SHC2: variants seen among roughly 807,000 people sequenced by gnomAD.
SHC2 encodes SHC adaptor protein 2, also known as SHC-transforming protein 2.
A neutral mutation model predicts 60.6 loss-of-function variants in SHC2; 62 were observed. The observed-to-expected ratio is 1.02, with a 90% CI of 0.83 to 1.26. The LOEUF is 1.26. Among genes scored for constraint, SHC2 ranks in the 50% most tolerant of loss-of-function variants. The pLI is 0.00. For missense variants in SHC2, 873 were observed against 822.2 expected (o/e 1.06, Z -0.76); for synonymous variants, 375 against 372.4 (o/e 1.01, Z -0.08).
intron 1 of SHC2, among the ~76,000 whole-genome samples, chr19:444,369 C>G (rs544450069): frequency 1.3e-5 from 2 of 152,248 alleles, no homozygotes; most frequent in South Asian, 4.1e-4. Context: ...GGGATGATGT[C>G]TGTGCCAGTG....
Position 460,746 on chromosome 19 carries a change from TCGCAGGCGCCCAGGACGGCGGC to T in SHC2, c.229_250del (p.Ala77SerfsTer95). The T allele has an allele frequency of 1.0e-6, 1 of 979,150 alleles. No homozygotes were observed. The highest frequency in any genetic ancestry group is 1.2e-6 in the Non-Finnish European group (1 of 828,018). The allele number at this position is 979,150 out of a possible 1,614,324, so 60.7% of individuals were successfully genotyped here. On this transcript the variant is annotated frameshift_variant, in exon 1 of 13. Transcript: ENST00000264554. LOFTEE classifies it high-confidence loss of function. ...GGGACAGGGCGCGGCGCAGCGGGGC[TCGCAGGCGCCCAGGACGGCGGC>T]CGCCAGCGCCGGGACGCCCCCCGGG...
At position 427,850 on chromosome 19, in the gene SHC2, A is replaced by G. The variant is rs981227749; in HGVS notation, c.1175-2619T>C. Among the ~76,000 whole-genome samples the G allele has an allele frequency of 7.5e-5, 9 of 120,658 alleles. No homozygotes were observed. In the East Asian group the frequency reaches 2.3e-3, roughly 31 times the overall value. The allele number at this position is 120,658 out of a possible 152,430, so 79.2% of individuals were successfully genotyped here. ...GGGAAGGGGGAACTGCACACGGCAC[A>G]GGGAAGGGGGAACTGCACACGGCAC... On this transcript the variant is annotated intron_variant, in intron 9 of 12. Coordinates refer to ENST00000264554, the MANE Select transcript of SHC2 (RefSeq NM_012435.3).
At position 422,156 on chromosome 19, in the gene SHC2, G is replaced by A. The variant is rs1256257624; in HGVS notation, c.1610C>T (p.Pro537Leu). The A allele has an allele frequency of 6.2e-7, 1 of 1,609,158 alleles. No individual in the cohort carries two copies. Among genetic ancestry groups the A allele is most frequent in the South Asian group, 1.1e-5 (1 of 90,438 alleles). The change falls in exon 11 of 13, where the codon CCC (proline) becomes CTC (leucine). Residue 537 changes from proline (P) to leucine (L), a missense_variant. Transcript: ENST00000264554. The surrounding 1 kb of genome is among the most constrained non-coding windows in gnomAD (Gnocchi z 5.0). ...GQPKHLLLVD[P>L]EGVVRTKDVL... ...CTGTGCACAGCTTACCACGCCCTCG[G>A]GGTCCACGAGCAGCAGGTGCTTGGG... is the stretch of plus-strand genomic sequence containing the variant.
intron 8 of SHC2, among the ~76,000 whole-genome samples, chr19:434,331 TGTGAGTGAGATCATGA>T (rs1466203726): frequency 2.6e-4 from 2 of 7,750 alleles, no homozygotes; most frequent in African/African-American, 5.2e-4. Context: ...ATCATGAGTC[TGTGAGTGAGATCATGA>T]GTGAGTGAGA....
rs368391808 is a variant in SHC2, at chr19:456,681, C to T, written c.468+3848G>A. ...GCACACGCACCAGGTCCGCTCCCTGCGTGGGGCCTTTGCACCTGCTGTGCC... is the reference window on the plus strand; with the variant it reads ...GCACACGCACCAGGTCCGCTCCCTGTGTGGGGCCTTTGCACCTGCTGTGCC... On this transcript the variant is annotated intron_variant, in intron 1 of 12. Coordinates refer to ENST00000264554, the MANE Select transcript of SHC2 (RefSeq NM_012435.3). Among the ~76,000 whole-genome samples the T allele has an allele frequency of 2.0e-5, 3 of 146,764 alleles. No individual in the cohort carries two copies. In the East Asian group the frequency reaches 6.0e-4, roughly 29 times the overall value.
In SHC2 at chr19:438,916, C is replaced by T. The variant is rs13343848; in HGVS notation, c.600+54G>A. The T allele has an allele frequency of 2.0e-3, 3,187 of 1,558,322 alleles. 59 individuals carry two copies. The African/African-American group carries it at 0.038, about 19-fold the overall frequency. ...GGCTCCCAGGATGGCCGCAGCGTCCCCACAGCCCCCGACTGCCCCACCAGC... is the reference window on the plus strand; with the variant it reads ...GGCTCCCAGGATGGCCGCAGCGTCCTCACAGCCCCCGACTGCCCCACCAGC... On this transcript the variant is annotated intron_variant, in intron 3 of 12. Coordinates refer to ENST00000264554, the MANE Select transcript of SHC2 (RefSeq NM_012435.3). This position sits in a 1 kb window ranked among gnomAD's most constrained non-coding sequence, Gnocchi z 5.0.
Position 438,688 on chromosome 19 carries a change from G to A in SHC2, c.720+30C>T. The A allele has an allele frequency of 6.5e-7, 1 of 1,546,576 alleles. No individual in the cohort carries two copies. The highest frequency in any genetic ancestry group is 8.7e-7 in the Non-Finnish European group (1 of 1,146,222). On this transcript the variant is annotated intron_variant, in intron 4 of 12. Transcript: ENST00000264554. The surrounding 1 kb of genome is among the most constrained non-coding windows in gnomAD (Gnocchi z 5.0). ...GGACTCCTGGCCCCTCTGGGGGTCT[G>A]GGGACGCCAGGCGAAGAGGGCAGAC...
chr19:443,318 G>GTGGA (rs1974955185), intron 1 of SHC2, among the ~76,000 whole-genome samples: 1 of 126,016 alleles, frequency 7.9e-6, no homozygotes, highest in Admixed American at 7.4e-5. Context: ...GAGTGGATGG[G>GTGGA]TGGATGGATG....
intron 1 of SHC2, among the ~76,000 whole-genome samples, chr19:457,597 G>T (rs899021186): frequency 6.6e-6 from 1 of 152,248 alleles, no homozygotes; most frequent in South Asian, 2.1e-4. Flanking sequence ...GAGCAGGAAC[G>T]AGGTCTCTCA....
rs1974765247 is a variant in SHC2 at position 438,116 on chromosome 19, T to C, written c.720+602A>G. Among the ~76,000 whole-genome samples, 1 of 152,206 alleles carries C rather than the reference T, an allele frequency of 6.6e-6. No homozygotes were observed. The highest frequency in any genetic ancestry group is 2.4e-5 in the African/African-American group (1 of 41,448). ...CTCCTGCCTCAGCCTCCCAAGTAGC[T>C]GGGATTACAGGCGCCCACCACCACA... On this transcript the variant is annotated intron_variant, in intron 4 of 12. Coordinates refer to ENST00000264554, the MANE Select transcript of SHC2 (RefSeq NM_012435.3). The surrounding 1 kb of genome is among the most constrained non-coding windows in gnomAD (Gnocchi z 5.0).
rs924782659 is a variant in SHC2 at position 453,872 on chromosome 19, C to A, written c.468+6657G>T. Among the ~76,000 whole-genome samples the A allele has an allele frequency of 6.6e-6, 1 of 152,310 alleles. No homozygotes were observed. Among genetic ancestry groups the A allele is most frequent in the East Asian group, 1.9e-4 (1 of 5,176 alleles). The stretch of plus-strand genomic sequence containing the variant: ...CCTGAAGTGCTCACGAGGTGAGGTG[C>A]GTGAGGGCACCGCAGAGAGCAGGAC... On this transcript the variant is annotated intron_variant, in intron 1 of 12. Coordinates refer to ENST00000264554, the MANE Select transcript of SHC2 (RefSeq NM_012435.3). This position sits in a 1 kb window ranked among gnomAD's most constrained non-coding sequence, Gnocchi z 6.3.
Position 422,441 on chromosome 19 carries a change from G to A in SHC2, c.1325C>T (p.Ala442Val), listed in dbSNP as rs1433535153. Residue 442 changes from alanine (A) to valine (V), a missense_variant, in exon 11 of 13, where the codon GCC becomes GTC. Ala to Val is a moderately conservative substitution (Grantham distance 64). Transcript: ENST00000264554. This position sits in a 1 kb window ranked among gnomAD's most constrained non-coding sequence, Gnocchi z 5.0. ...DLFDMRPFED[A>V]LKLHECSVAA... ...CACTGAGCACTCATGCAACTTCAGGGCATCCTCAAAGGGTCCTGCAGGCCA... is the reference window on the plus strand; with the variant it reads ...CACTGAGCACTCATGCAACTTCAGGACATCCTCAAAGGGTCCTGCAGGCCA... The A allele has an allele frequency of 1.3e-6, 2 of 1,563,732 alleles. No homozygotes were observed. Among genetic ancestry groups the A allele is most frequent in the South Asian group, 2.4e-5 (2 of 83,114 alleles).
At position 420,336 on chromosome 19, in the gene SHC2, G is replaced by A. The variant is rs565616469; in HGVS notation, c.1621-1280C>T. On this transcript the variant is annotated intron_variant, in intron 11 of 12. Coordinates refer to ENST00000264554, the MANE Select transcript of SHC2 (RefSeq NM_012435.3). ...AAGAGCCCCCACCTGCCCGCCCGCC[G>A]CCGTGTGCTTCACGCAGAGACCAGG... Among the ~76,000 whole-genome samples, 25 of 152,242 alleles carry A rather than the reference G, an allele frequency of 1.6e-4. No homozygotes were observed. The South Asian group carries it at 4.4e-3, about 27-fold the overall frequency.
chr19:422,386 G>A lies in SHC2; in HGVS notation c.1380C>T (p.Pro460=), dbSNP rs752276123. The change falls in exon 11 of 13, where the codon CCC becomes CCT. Residue 460 remains proline (P), a synonymous_variant. Transcript: ENST00000264554. This position sits in a 1 kb window ranked among gnomAD's most constrained non-coding sequence, Gnocchi z 5.0. ...GGGGGCTGGGCCACTGGTCCTCCAA[G>A]GGAAGAGGGGCTGCTGTCACGCCTG... ...VAAGVTAAPL[P]LEDQWPSPPT... is the part of the protein sequence containing the mutation. 4 of 1,601,088 alleles carry A rather than the reference G, an allele frequency of 2.5e-6. No homozygotes were observed. The highest frequency in any genetic ancestry group is 2.7e-5 in the African/African-American group (2 of 74,668).
At position 438,679 on chromosome 19, in the gene SHC2, T is replaced by G; in HGVS notation, c.720+39A>C. On this transcript the variant is annotated intron_variant, in intron 4 of 12. Transcript: ENST00000264554. The surrounding 1 kb of genome is among the most constrained non-coding windows in gnomAD (Gnocchi z 5.0). ...TGCCTCCTAGGACTCCTGGCCCCTC[T>G]GGGGGTCTGGGGACGCCAGGCGAAG... The G allele has an allele frequency of 6.5e-7, 1 of 1,545,422 alleles. No individual in the cohort carries two copies. Among genetic ancestry groups the G allele is most frequent in the Non-Finnish European group, 8.7e-7 (1 of 1,145,964 alleles).
chr19:418,670 A>G (rs892641798), intron 12 of SHC2, among the ~76,000 whole-genome samples: 1 of 152,186 alleles, frequency 6.6e-6, no homozygotes, highest in African/African-American at 2.4e-5. Flanking sequence ...CCACAGAGAC[A>G]GGAGGCGGAT....
chr19:459,203 C>T (rs185719286), intron 1 of SHC2, among the ~76,000 whole-genome samples: 1 of 141,168 alleles, frequency 7.1e-6, no homozygotes, highest in East Asian at 1.9e-4. Context: ...AAGGACCCCA[C>T]TGAACCCAGC....
rs1046715600 is a variant in SHC2 at position 424,472 on chromosome 19, G to A, written c.1309+625C>T. ...AGGGAGACCCAGAGTCAGCGTGCAAGACCAGCGGGCCAGGCAGTCGTCCCA... is the reference window on the plus strand; with the variant it reads ...AGGGAGACCCAGAGTCAGCGTGCAAAACCAGCGGGCCAGGCAGTCGTCCCA... On this transcript the variant is annotated intron_variant, in intron 10 of 12. Transcript: ENST00000264554. This position sits in a 1 kb window ranked among gnomAD's most constrained non-coding sequence, Gnocchi z 4.5. Among the ~76,000 whole-genome samples the A allele has an allele frequency of 2.0e-5, 3 of 152,156 alleles. No individual in the cohort carries two copies. Among genetic ancestry groups the A allele is most frequent in the African/African-American group, 7.2e-5 (3 of 41,446 alleles).
Position 458,002 on chromosome 19 carries a change from GGCA to G in SHC2, c.468+2524_468+2526del, listed in dbSNP as rs1171505050. On this transcript the variant is annotated intron_variant, in intron 1 of 12. Coordinates refer to ENST00000264554, the MANE Select transcript of SHC2 (RefSeq NM_012435.3). ...GGGAGGCGGAAGCCGGTCCCGGGGAGGCAGAAGAGGGTCTTGGGGAGGCGGAAG... is the reference window on the plus strand; with the variant it reads ...GGGAGGCGGAAGCCGGTCCCGGGGAGGAAGAGGGTCTTGGGGAGGCGGAAG... Among the ~76,000 whole-genome samples the G allele has an allele frequency of 5.4e-5, 8 of 149,366 alleles. No individual in the cohort carries two copies. The South Asian group carries it at 1.7e-3, about 32-fold the overall frequency.
Sources: allele counts gnomAD v4.1 joint callset (sites outside exome capture counted in the v4.1 genomes callset), GRCh38; gene constraint gnomAD v4.1.1; non-coding constraint Gnocchi (gnomAD v3.1); transcripts MANE v1.5; gene names NCBI Gene and HGNC (gene_info 2026-07-23, HGNC 2026-07-21).